The following ZNF71 variants were observed in gnomAD, a reference collection of about 807,000 sequenced individuals.
ZNF71 encodes the protein zinc finger protein 71.
Under a neutral mutation model 6.7 loss-of-function variants are expected in ZNF71, and 3 were observed. That is an observed-to-expected ratio of 0.45 (90% confidence interval 0.20 to 1.16). The LOEUF is 1.16. Among genes scored for constraint, ZNF71 ranks in the 50% most tolerant of loss-of-function variants. The pLI, the probability that ZNF71 is intolerant of heterozygous loss-of-function variation, is 0.25. For synonymous variants in ZNF71, 343 were observed against 311.1 expected, an observed-to-expected ratio of 1.10 and a Z score of -1.08; for missense variants, 688 against 728.6, an observed-to-expected ratio of 0.94 and a Z score of 0.64.
Position 56,611,367 on chromosome 19 carries a change from A to G in ZNF71, c.34-2445A>G, listed in dbSNP as rs575410123. On this transcript the variant is annotated intron_variant, in intron 2 of 3. Coordinates refer to ENST00000599599, the MANE Select transcript of ZNF71 (RefSeq NM_001370215.1). ...AGGACTCGGGCTCTGGAGACAGCCCATGAGGTTCAAAGCCTGGCTGTCCCA... is the reference window on the plus strand; with the variant it reads ...AGGACTCGGGCTCTGGAGACAGCCCGTGAGGTTCAAAGCCTGGCTGTCCCA... Among the ~76,000 whole-genome samples the G allele has an allele frequency of 2.4e-3, 359 of 152,322 alleles. 4 individuals are homozygous for G. The highest frequency in any genetic ancestry group is 6.8e-3 in the Middle Eastern group (2 of 294).
intron 2 of ZNF71, among the ~76,000 whole-genome samples, chr19:56,604,754 C>T (rs1002416287): frequency 2.0e-5 from 3 of 152,170 alleles, no homozygotes; most frequent in African/African-American, 7.2e-5. Context: ...TGAGCCCAAG[C>T]CCCAGAAGGG....
rs993941251 is a variant in ZNF71 at position 56,598,074 on chromosome 19, G to A, written c.-53+2646G>A. On this transcript the variant is annotated intron_variant, in intron 1 of 3. Coordinates refer to ENST00000599599, the MANE Select transcript of ZNF71 (RefSeq NM_001370215.1). This position sits in a 1 kb window ranked among gnomAD's most constrained non-coding sequence, Gnocchi z 4.2. ...CTCCCTGGGGGCTTCTGTTCTCATG[G>A]AGGGAAGACAGATGACAAACTTGAA... is the stretch of plus-strand genomic sequence containing the variant. Among the ~76,000 whole-genome samples, 2 of 152,224 alleles carry A rather than the reference G, an allele frequency of 1.3e-5. No homozygotes were observed. Among genetic ancestry groups the A allele is most frequent in the African/African-American group, 2.4e-5 (1 of 41,456 alleles).
At chr19:56,608,666 G>A (rs1415838060) in intron 2 of ZNF71, among the ~76,000 whole-genome samples, 3 of 152,064 alleles carry the variant, frequency 2.0e-5, no homozygotes, top group East Asian at 3.9e-4. Flanking sequence ...GCTACATAAG[G>A]CTGTGGATAC....
Position 56,621,755 on chromosome 19 carries a change from G to A in ZNF71, c.648G>A (p.Lys216=). 1.2e-6 allele frequency: 2 copies of A among 1,614,068 alleles called. No individual in the cohort carries two copies. The highest frequency in any genetic ancestry group is 2.2e-5 in the South Asian group (2 of 91,088). Residue 216 remains lysine, a synonymous_variant, in exon 4 of 4, where the codon AAG becomes AAA. Coordinates refer to ENST00000599599, the MANE Select transcript of ZNF71 (RefSeq NM_001370215.1). The stretch of plus-strand genomic sequence containing the variant: ...ACCAAAGGATCCACACGGGAGAAAA[G>A]CCGTTTGAGTGTGACACCTGTGGGA... ...IKHQRIHTGE[K]PFECDTCGKH... is the part of the protein sequence containing the mutation.
chr19:56,609,774 G>A (rs1331733825), intron 2 of ZNF71, among the ~76,000 whole-genome samples: 1 of 147,712 alleles, frequency 6.8e-6, no homozygotes, highest in Non-Finnish European at 1.5e-5. Flanking sequence ...TGAGGCATAC[G>A]ATATGGATTT....
rs748314344 is a variant in ZNF71, at chr19:56,622,085, G to A, written c.978G>A (p.Gly326=). The part of the protein sequence containing the change: ...HLIVHQRTHT[G]EKPYVCPECG... ...TCGTGCACCAGCGCACGCACACCGG[G>A]GAGAAGCCGTACGTGTGCCCCGAGT... The change falls in exon 4 of 4, where the codon GGG becomes GGA. Residue 326 remains glycine, a synonymous_variant. Transcript: ENST00000599599. The A allele has an allele frequency of 6.2e-7, 1 of 1,605,926 alleles. No individual in the cohort carries two copies. The highest frequency in any genetic ancestry group is 8.5e-7 in the Non-Finnish European group (1 of 1,177,076).
Position 56,622,673 on chromosome 19 carries a change from C to T in ZNF71, c.1566C>T (p.Gly522=), listed in dbSNP as rs969317484. 14 of 1,613,930 alleles carry T rather than the reference C, an allele frequency of 8.7e-6. No homozygotes were observed. Among genetic ancestry groups the T allele is most frequent in the Non-Finnish European group, 1.1e-5 (13 of 1,179,940 alleles). Residue 522 remains glycine (G), a synonymous_variant, in exon 4 of 4, where the codon GGC becomes GGT. Coordinates refer to ENST00000599599, the MANE Select transcript of ZNF71 (RefSeq NM_001370215.1). ...SLTVHQRIHT[G]EKPYRCGECG... is the part of the protein sequence containing the mutation. ...CTGTGCACCAGCGGATCCACACGGG[C>T]GAGAAGCCCTACCGATGCGGCGAGT...
rs971908414 is a variant in ZNF71 at position 56,622,968 on chromosome 19, T to C, written c.*211T>C. 2.8e-5 allele frequency: 18 copies of C among 653,026 alleles called. No homozygotes were observed. The highest frequency in any genetic ancestry group is 4.2e-5 in the Non-Finnish European group (16 of 379,546). 40.5% of individuals were successfully genotyped at this position (653,026 alleles called of 1,614,324 possible). A position where few individuals can be genotyped will look rare whatever the true frequency, so the allele number is the denominator to read the frequency against. ...AGCAAGCCCCTCGGTGTCTGACGTA[T>C]CTGGGGACACTTCAAGGTTCACTGT... On this transcript the variant is annotated 3_prime_UTR_variant, in exon 4 of 4. Coordinates refer to ENST00000599599, the MANE Select transcript of ZNF71 (RefSeq NM_001370215.1).
intron 3 of ZNF71, among the ~76,000 whole-genome samples, chr19:56,616,572 C>T (rs1057514683): frequency 5.3e-5 from 8 of 152,198 alleles, no homozygotes; most frequent in Admixed American, 2.6e-4. Flanking sequence ...GTGTCAGCTC[C>T]GGTCACTGTT....
chr19:56,621,183 A>AT, intron 3 of ZNF71, 85 bp from the exon 4 acceptor site: 1 of 1,418,622 alleles, frequency 7.0e-7, no homozygotes, highest in Non-Finnish European at 9.4e-7. Context: ...GGTCGGTTTC[A>AT]TTTGCTCCTT....
intron 2 of ZNF71, among the ~76,000 whole-genome samples, chr19:56,607,802 C>T (rs2044721329): frequency 6.6e-6 from 1 of 152,216 alleles, no homozygotes; most frequent in African/African-American, 2.4e-5. Flanking sequence ...CTATTTTACA[C>T]AGTTTCTGAG....
chr19:56,615,128 G>T (rs892378966), intron 3 of ZNF71, among the ~76,000 whole-genome samples: 2 of 152,060 alleles, frequency 1.3e-5, no homozygotes, highest in African/African-American at 4.8e-5. Flanking sequence ...AATTTGTTCA[G>T]CCATTCGCCT....
At chr19:56,606,966 C>G (rs2044714545) in intron 2 of ZNF71, among the ~76,000 whole-genome samples, 1 of 152,222 alleles carries the variant, frequency 6.6e-6, no homozygotes, top group Middle Eastern at 3.4e-3. Flanking sequence ...TTCAACAAGT[C>G]TACCCACTTA....
intron 2 of ZNF71, among the ~76,000 whole-genome samples, chr19:56,611,441 G>C (rs999104946): frequency 1.3e-5 from 2 of 152,126 alleles, no homozygotes; most frequent in African/African-American, 4.8e-5. Flanking sequence ...TCTGTGCCTT[G>C]GTTTCTTTTA....
intron 1 of ZNF71, among the ~76,000 whole-genome samples, chr19:56,599,550 G>T (rs2044650754): frequency 6.6e-6 from 1 of 152,008 alleles, no homozygotes; most frequent in Non-Finnish European, 1.5e-5. Context: ...TGGGTGTGTA[G>T]TGGGTTTATA....
At chr19:56,609,418 C>A (rs924972616) in intron 2 of ZNF71, among the ~76,000 whole-genome samples, 1 of 152,064 alleles carries the variant, frequency 6.6e-6, no homozygotes, top group Non-Finnish European at 1.5e-5. Flanking sequence ...CAAAAAGAAA[C>A]CCCATACCCA....
In ZNF71 at chr19:56,621,830, G is replaced by A. The variant is rs773577607; in HGVS notation, c.723G>A (p.Thr241=). ...TCACCATCCACCAGCGGGTGCACAC[G>A]GGCGAGAAGCCCTATGCCTGCGGGG... ...SSLTIHQRVH[T]GEKPYACGDC... The change falls in exon 4 of 4, where the codon ACG becomes ACA. Residue 241 remains threonine (T), a synonymous_variant. Transcript: ENST00000599599. 10 of 1,612,048 alleles carry A rather than the reference G, an allele frequency of 6.2e-6. No homozygotes were observed. The highest frequency in any genetic ancestry group is 1.1e-5 in the South Asian group (1 of 91,064).
chr19:56,622,169 G>T lies in ZNF71; in HGVS notation c.1062G>T (p.Gly354=). ...CCGAGCACCAGCGCACGCACACCGGGGAGAAGCCGTACGCCTGCAAGGAGT... is the reference window on the plus strand; with the variant it reads ...CCGAGCACCAGCGCACGCACACCGGTGAGAAGCCGTACGCCTGCAAGGAGT... ...HLTEHQRTHT[G]EKPYACKECG... Residue 354 remains glycine, a synonymous_variant, in exon 4 of 4, where the codon GGG becomes GGT. Coordinates refer to ENST00000599599, the MANE Select transcript of ZNF71 (RefSeq NM_001370215.1). The T allele has an allele frequency of 1.2e-6, 2 of 1,609,554 alleles. No homozygotes were observed. Among genetic ancestry groups the T allele is most frequent in the Non-Finnish European group, 1.7e-6 (2 of 1,178,696 alleles).
intron 3 of ZNF71, among the ~76,000 whole-genome samples, chr19:56,617,502 C>CAA (rs34147572): frequency 0.32 from 48,705 of 151,930 alleles, 9,795 homozygotes; most frequent in East Asian, 0.67. Context: ...GTGTGAAGGA[C>CAA]GAGATTTAGC....
Sources: allele counts gnomAD v4.1 joint callset (sites outside exome capture counted in the v4.1 genomes callset), GRCh38; gene constraint gnomAD v4.1.1; non-coding constraint Gnocchi (gnomAD v3.1); transcripts MANE v1.5; gene names NCBI Gene and HGNC (gene_info 2026-07-23, HGNC 2026-07-21).